Variants in ESRRG observed in about 807,000 individuals in gnomAD.
The protein encoded by ESRRG is estrogen related receptor gamma.
Under a neutral mutation model 44.0 loss-of-function variants are expected in ESRRG, and 13 were observed. The observed-to-expected ratio is 0.30, with a 90% confidence interval of 0.19 to 0.47. The LOEUF is 0.47. Among genes scored for constraint, ESRRG ranks in the 20% least tolerant of loss-of-function variants. The pLI is 1.00. For synonymous variants in ESRRG, 215 were observed against 214.6 expected, an observed-to-expected ratio of 1.00 and a Z score of -0.02; for missense variants, 395 against 580.6, an observed-to-expected ratio of 0.68 and a Z score of 3.29.
At chr1:216,731,370 G>C (rs2088736671) in intron 2 of ESRRG, among the ~76,000 whole-genome samples, 1 of 152,164 alleles carries the variant, frequency 6.6e-6, no homozygotes, top group South Asian at 2.1e-4. Context: ...ATGGGGAGAG[G>C]AAGAAGGGAA....
intron 5 of ESRRG, among the ~76,000 whole-genome samples, chr1:216,537,201 C>T (rs1243505609): frequency 2.0e-5 from 3 of 151,926 alleles, no homozygotes; most frequent in Non-Finnish European, 4.4e-5. Context: ...GAAATTAGTG[C>T]CCTTATGAAA....
At chr1:216,834,062 C>T in intron 2 of ESRRG, among the ~76,000 whole-genome samples, 1 of 152,140 alleles carries the variant, frequency 6.6e-6, no homozygotes, top group Admixed American at 6.5e-5. Context: ...GTACAGTTCA[C>T]ACATTTTGCA....
intron 1 of ESRRG, among the ~76,000 whole-genome samples, chr1:216,975,119 G>A (rs1023465888): frequency 2.0e-5 from 3 of 152,018 alleles, no homozygotes; most frequent in Non-Finnish European, 4.4e-5. Flanking sequence ...GCCAGTTAAC[G>A]TTGTTATTAT....
rs1347663624 is a variant in ESRRG at position 217,117,427 on chromosome 1, C to CA, written c.-230+20239dup. ...AGTAAGACCCCATCTCTACAAAAACCAAAAAAACCTAGCTAAGGGTAGTGG... is the reference window on the plus strand; with the variant it reads ...AGTAAGACCCCATCTCTACAAAAACCAAAAAAAACCTAGCTAAGGGTAGTGG... On this transcript the variant is annotated intron_variant, in intron 1 of 8. Transcript: ENST00000366940. 2.0e-5 allele frequency among the ~76,000 whole-genome samples: 3 copies of CA among 151,566 alleles called. No individual in the cohort carries two copies. In the East Asian group the frequency reaches 5.8e-4, roughly 29 times the overall value.
intron 2 of ESRRG, among the ~76,000 whole-genome samples, chr1:216,823,028 C>T (rs899361200): frequency 1.3e-5 from 2 of 151,806 alleles, no homozygotes; most frequent in African/African-American, 4.8e-5. Context: ...AGAATGTCTT[C>T]GACTTGTAGC....
At chr1:216,705,618 A>C (rs2082297224) in intron 1 of ESRRG, among the ~76,000 whole-genome samples, 1 of 152,332 alleles carries the variant, frequency 6.6e-6, no homozygotes, top group Non-Finnish European at 1.5e-5. Context: ...ACAATGATCT[A>C]TACATCTAAA....
chr1:217,103,804 A>G (rs948415818), intron 1 of ESRRG, among the ~76,000 whole-genome samples: 1 of 152,148 alleles, frequency 6.6e-6, no homozygotes, highest in Non-Finnish European at 1.5e-5. Context: ...TCATGCACAA[A>G]GAAGGAACCA....
intron 2 of ESRRG, among the ~76,000 whole-genome samples, chr1:216,926,589 G>C (rs923648574): frequency 6.6e-6 from 1 of 152,108 alleles, no homozygotes; most frequent in African/African-American, 2.4e-5. Flanking sequence ...TAATAGGAGA[G>C]AAACTAGCCA....
At chr1:216,908,831 GA>G (rs5780943) in intron 2 of ESRRG, among the ~76,000 whole-genome samples, 19 of 143,574 alleles carry the variant, frequency 1.3e-4, no homozygotes, top group South Asian at 6.6e-4. Context: ...CACACTCCTA[GA>G]AAAAAAAAAA....
chr1:217,026,920 G>C (rs879417504), intron 1 of ESRRG, among the ~76,000 whole-genome samples: 19,619 of 116,642 alleles, frequency 0.17, 1,714 homozygotes, highest in Middle Eastern at 0.31. Flanking sequence ...CACAGAGAGA[G>C]AGAGAGAGAG....
chr1:216,680,058 G>T (rs1041074510), intron 1 of ESRRG, among the ~76,000 whole-genome samples: 1 of 152,210 alleles, frequency 6.6e-6, no homozygotes, highest in Admixed American at 6.5e-5. Context: ...ACAAGGTCTG[G>T]CCACTGGAGC....
chr1:216,542,140 C>A (rs2149278077), intron 5 of ESRRG, among the ~76,000 whole-genome samples: 2 of 148,830 alleles, frequency 1.3e-5, no homozygotes, highest in South Asian at 4.3e-4. Flanking sequence ...TAGTACTAAT[C>A]CTTGTTGATC....
At chr1:216,829,561 T>C (rs2095452793) in intron 2 of ESRRG, among the ~76,000 whole-genome samples, 1 of 151,766 alleles carries the variant, frequency 6.6e-6, no homozygotes. Flanking sequence ...TTTTTTTTTT[T>C]TTTTCTTTTT....
At chr1:216,898,739 A>C (rs1280404019) in intron 2 of ESRRG, among the ~76,000 whole-genome samples, 2 of 148,776 alleles carry the variant, frequency 1.3e-5, no homozygotes, top group East Asian at 3.9e-4. Context: ...TTTAGTGTTT[A>C]GAATTTTTCC....
chr1:216,779,232 TATAA>T, intron 2 of ESRRG, among the ~76,000 whole-genome samples: 1 of 73,454 alleles, frequency 1.4e-5, no homozygotes, highest in Non-Finnish European at 2.1e-5. Context: ...TATTTATAAA[TATAA>T]ATATATATTT....
chr1:217,005,486 A>G (rs1396397918), intron 1 of ESRRG, among the ~76,000 whole-genome samples: 1 of 152,172 alleles, frequency 6.6e-6, no homozygotes. Flanking sequence ...TAAGCCCTCT[A>G]AAAGAACAGG....
At chr1:216,656,574 G>A (rs1256572332) in intron 2 of ESRRG, among the ~76,000 whole-genome samples, 1 of 152,128 alleles carries the variant, frequency 6.6e-6, no homozygotes, top group Non-Finnish European at 1.5e-5. Context: ...AGCCTGGAGC[G>A]CCAGTGGATA....
chr1:217,068,833 T>G (rs921528388), intron 1 of ESRRG, among the ~76,000 whole-genome samples: 1 of 152,188 alleles, frequency 6.6e-6, no homozygotes, highest in Non-Finnish European at 1.5e-5. Context: ...CAATCATTCT[T>G]CTCCCTTCTA....
At chr1:216,836,093 CAA>C (rs34241468) in intron 2 of ESRRG, among the ~76,000 whole-genome samples, 54 of 97,742 alleles carry the variant, frequency 5.5e-4, no homozygotes, top group African/African-American at 9.3e-4. Flanking sequence ...GCTGCGATTT[CAA>C]AAAAAAAAAA....
Sources: gnomAD v4.1 joint callset for allele counts (sites outside exome capture counted in the v4.1 genomes callset) on GRCh38, gnomAD v4.1.1 for gene constraint, MANE v1.5 for transcripts, NCBI Gene and HGNC (gene_info 2026-07-23, HGNC 2026-07-21) for gene names.